Variants in MTMR3 observed in about 807,000 individuals in gnomAD.
MTMR3 encodes phosphatidylinositol-3,5-bisphosphate 3-phosphatase MTMR3.
Under a neutral mutation model 132.4 loss-of-function variants are expected in MTMR3, and 32 were observed. That is an observed-to-expected ratio of 0.24 (90% confidence interval 0.18 to 0.32). The LOEUF is 0.32. Ranked by LOEUF, MTMR3 falls within the 10% of genes least tolerant of loss-of-function variation. MTMR3 has a pLI of 1.00. For missense variants in MTMR3, 1,216 were observed against 1,489.6 expected (o/e 0.82, Z 3.02); for synonymous variants, 556 against 550.3 (o/e 1.01, Z -0.14).
At chr22:29,928,757 C>T (rs1393657918) in intron 1 of MTMR3, among the ~76,000 whole-genome samples, 3 of 152,008 alleles carry the variant, frequency 2.0e-5, no homozygotes, top group African/African-American at 7.2e-5. Context: ...TCAAGTGATC[C>T]ACCCTCCTTG....
chr22:29,904,006 C>G (rs1416347276), intron 1 of MTMR3, among the ~76,000 whole-genome samples: 1 of 152,106 alleles, frequency 6.6e-6, no homozygotes, highest in Non-Finnish European at 1.5e-5. Context: ...GAAATACCTG[C>G]CCAGTTTTGC....
At chr22:29,916,447 C>T (rs767376219) in intron 1 of MTMR3, among the ~76,000 whole-genome samples, 20 of 152,186 alleles carry the variant, frequency 1.3e-4, no homozygotes, top group Non-Finnish European at 2.1e-4. Context: ...TTCCACCCTC[C>T]CTAGATTCTC....
intron 19 of MTMR3, chr22:30,024,833 G>T (rs144602111): frequency 6.6e-6 from 1 of 152,394 alleles, no homozygotes; most frequent in Non-Finnish European, 1.5e-5. Flanking sequence ...TGGGGGTGCA[G>T]AACTGTGCTG....
chr22:30,010,954 A>G (rs943767055), intron 12 of MTMR3: 2 of 152,242 alleles, frequency 1.3e-5, no homozygotes, highest in Admixed American at 6.5e-5. Flanking sequence ...CTGGGGGTAC[A>G]GTTATGACTG....
chr22:29,952,110 C>T (rs908943727), intron 1 of MTMR3, among the ~76,000 whole-genome samples: 8 of 151,978 alleles, frequency 5.3e-5, no homozygotes, highest in African/African-American at 1.7e-4. Context: ...AGGCTGGTCT[C>T]GAACTCCTAG....
intron 1 of MTMR3, among the ~76,000 whole-genome samples, chr22:29,895,184 G>A (rs2064870723): frequency 6.6e-6 from 1 of 152,076 alleles, no homozygotes; most frequent in South Asian, 2.1e-4. Flanking sequence ...CTCCAGCCTG[G>A]TTGACAGAGG....
intron 5 of MTMR3, chr22:29,981,363 G>GAT (rs1324777144): frequency 6.6e-6 from 1 of 152,202 alleles, no homozygotes; most frequent in Non-Finnish European, 1.5e-5. Flanking sequence ...TGTCTCTAAG[G>GAT]ATAGCTGTGT....
intron 1 of MTMR3, among the ~76,000 whole-genome samples, chr22:29,913,098 A>T (rs1473117767): frequency 6.6e-6 from 1 of 152,028 alleles, no homozygotes; most frequent in African/African-American, 2.4e-5. Context: ...AATAATAATT[A>T]TTATCCAGCT....
At chr22:30,000,906 A>G (rs951535205) in intron 8 of MTMR3, 1 of 152,186 alleles carries the variant, frequency 6.6e-6, no homozygotes, top group Admixed American at 6.5e-5. Context: ...CCTATAGGAC[A>G]ATGAACAGAA....
chr22:29,980,365 T>TCTGGTG (rs1212192938), intron 5 of MTMR3: 1 of 152,204 alleles, frequency 6.6e-6, no homozygotes, highest in Non-Finnish European at 1.5e-5. Context: ...TTTCTGTCTA[T>TCTGGTG]CAGCTAAAGA....
intron 2 of MTMR3, among the ~76,000 whole-genome samples, chr22:29,962,915 T>C (rs968846648): frequency 1.0e-4 from 15 of 149,702 alleles, no homozygotes; most frequent in Admixed American, 8.0e-4. Flanking sequence ...TTTTTCTTTT[T>C]TTTTTTTTTT....
intron 1 of MTMR3, among the ~76,000 whole-genome samples, chr22:29,890,517 C>G (rs911388986): frequency 1.3e-5 from 2 of 148,744 alleles, no homozygotes; most frequent in Non-Finnish European, 3.0e-5. Flanking sequence ...GACTCAGTCT[C>G]AAAAGAAAAA....
At chr22:29,890,998 C>A (rs2064786499) in intron 1 of MTMR3, among the ~76,000 whole-genome samples, 1 of 150,516 alleles carries the variant, frequency 6.6e-6, no homozygotes, top group African/African-American at 2.5e-5. Flanking sequence ...TGTACTCTAG[C>A]CTGGACAACA....
At chr22:29,902,070 T>C (rs1470844008) in intron 1 of MTMR3, among the ~76,000 whole-genome samples, 1 of 152,152 alleles carries the variant, frequency 6.6e-6, no homozygotes, top group Non-Finnish European at 1.5e-5. Context: ...TAAAAAAATA[T>C]GGTGCCTAGA....
chr22:30,000,540 C>G (rs1018795081), intron 8 of MTMR3: 2 of 152,076 alleles, frequency 1.3e-5, no homozygotes, highest in African/African-American at 4.8e-5. Flanking sequence ...TTCTGCGGTC[C>G]TCTTAGCTGT....
chr22:29,915,702 G>A (rs2065295669), intron 1 of MTMR3, among the ~76,000 whole-genome samples: 2 of 152,174 alleles, frequency 1.3e-5, no homozygotes, highest in South Asian at 2.1e-4. Flanking sequence ...GGGATTACAG[G>A]TGTGAGCCAC....
chr22:29,971,011 A>T lies in MTMR3; in HGVS notation c.-49A>T, dbSNP rs1281795995. 1 of 1,379,596 alleles carries T rather than the reference A, an allele frequency of 7.2e-7. No homozygotes were observed. The highest frequency in any genetic ancestry group is 2.2e-5 in the Admixed American group (1 of 46,202). 85.5% of individuals were successfully genotyped at this position (1,379,596 alleles called of 1,614,324 possible). A position where few individuals can be genotyped will look rare whatever the true frequency, so the allele number is the denominator to read the frequency against. On this transcript the variant is annotated 5_prime_UTR_variant, in exon 3 of 20. Coordinates refer to ENST00000401950, the MANE Select transcript of MTMR3 (RefSeq NM_021090.4). ...AAGGGAAAGAAGAGAGCCTTGTTGG[A>T]CACTGAAGAAGGGACGGGGATTTCT...
rs146609622 is a variant in MTMR3, at chr22:30,020,118, A to G, written c.2459A>G (p.Tyr820Cys). 134 of 1,614,212 alleles carry G rather than the reference A, an allele frequency of 8.3e-5. No homozygotes were observed. The Admixed American group carries it at 9.8e-4, about 12-fold the overall frequency. ...LPIPVDAKVG[Y>C]GTSQSCSLLP... ...ATCCCAGTAGATGCAAAAGTTGGCTATGGTACCTCACAGTCATGTTCTCTG... is the reference window on the plus strand; with the variant it reads ...ATCCCAGTAGATGCAAAAGTTGGCTGTGGTACCTCACAGTCATGTTCTCTG... The change falls in exon 17 of 20, where the codon TAT (tyrosine) becomes TGT (cysteine). Residue 820 changes from tyrosine to cysteine, a missense_variant. Physicochemically the swap from Tyr to Cys is radical, Grantham distance 194. Transcript: ENST00000401950.
intron 1 of MTMR3, among the ~76,000 whole-genome samples, chr22:29,895,613 G>A (rs1780652936): frequency 6.6e-6 from 1 of 152,192 alleles, no homozygotes; most frequent in African/African-American, 2.4e-5. Flanking sequence ...GTGTTGTCGG[G>A]TGGTTGTGGA....
Sources: allele counts gnomAD v4.1 joint callset (sites outside exome capture counted in the v4.1 genomes callset), GRCh38; gene constraint gnomAD v4.1.1; transcripts MANE v1.5; gene names NCBI Gene and HGNC (gene_info 2026-07-23, HGNC 2026-07-21).